The following AKT3 variants were observed in gnomAD, a reference collection of about 807,000 sequenced individuals.
AKT3 encodes the protein RAC-gamma serine/threonine-protein kinase.
In AKT3, 15 loss-of-function variants were observed where a neutral mutation model predicts 65.3. The ratio of observed to expected loss-of-function variants is 0.23; its 90% CI spans 0.15 to 0.35. The LOEUF is 0.35. Ranked by LOEUF, AKT3 falls within the 10% of genes least tolerant of loss-of-function variation. The pLI, the probability that AKT3 is intolerant of heterozygous loss-of-function variation, is 1.00. For missense variants in AKT3, 243 were observed against 576.5 expected (o/e 0.42, Z 5.92); for synonymous variants, 206 against 183.8 (o/e 1.12, Z -0.98).
downstream of AKT3, among the ~76,000 whole-genome samples, chr1:243,499,115 T>C (rs908677991): frequency 6.6e-5 from 10 of 152,204 alleles, no homozygotes; most frequent in African/African-American, 2.4e-4. Context: ...GGAACAGTAT[T>C]CAATACTTTC....
At chr1:243,591,958 G>A (rs546111114) in intron 8 of AKT3, among the ~76,000 whole-genome samples, 88 of 152,242 alleles carry the variant, frequency 5.8e-4, no homozygotes, top group Non-Finnish European at 1.1e-3. Flanking sequence ...AGAGAAATGA[G>A]TAACAAAATA....
rs1415361541 is a variant in AKT3, at chr1:243,517,668, A to G, written c.1252-5242T>C. 5.8e-4 allele frequency among the ~76,000 whole-genome samples: 88 copies of G among 152,212 alleles called. 1 individual carries two copies. Among genetic ancestry groups the G allele is most frequent in the Non-Finnish European group, 5.9e-5 (4 of 68,026 alleles). On this transcript the variant is annotated intron_variant, in intron 12 of 13. Coordinates refer to ENST00000673466, the MANE Select transcript of AKT3 (RefSeq NM_005465.7). ...ATAGTATATAATTTTCTGTTCTATT[A>G]ATTTTAATCTACTTATATCTTACAT...
chr1:243,669,568 G>GC (rs1408192129), intron 3 of AKT3, among the ~76,000 whole-genome samples: 2 of 152,200 alleles, frequency 1.3e-5, no homozygotes, highest in East Asian at 3.9e-4. Flanking sequence ...TTATATCTAA[G>GC]CCCTCAGGTT....
chr1:243,821,940 A>G (rs1693879464), intron 2 of AKT3, among the ~76,000 whole-genome samples: 1 of 152,212 alleles, frequency 6.6e-6, no homozygotes. Context: ...CCTGATAGAT[A>G]TCTGTAGAAC....
intron 13 of AKT3, among the ~76,000 whole-genome samples, chr1:243,492,604 G>GTTTTTT (rs74162289): frequency 6.1e-4 from 36 of 58,860 alleles, no homozygotes; most frequent in Admixed American, 1.2e-3. Flanking sequence ...GCGCCCAGCT[G>GTTTTTT]TTTTTTTTTT....
At chr1:243,724,302 T>C (rs1687086070) in intron 2 of AKT3, among the ~76,000 whole-genome samples, 1 of 151,876 alleles carries the variant, frequency 6.6e-6, no homozygotes, top group Non-Finnish European at 1.5e-5. Flanking sequence ...GAGTATGCAG[T>C]TGTACCATTT....
chr1:243,497,523 C>T (rs541269168), downstream of AKT3, among the ~76,000 whole-genome samples: 1 of 152,136 alleles, frequency 6.6e-6, no homozygotes, highest in South Asian at 2.1e-4. Context: ...TCTGTGTCAC[C>T]CCCATGCAGG....
intron 2 of AKT3, among the ~76,000 whole-genome samples, chr1:243,827,870 G>T (rs1317030696): frequency 6.6e-6 from 1 of 152,066 alleles, no homozygotes; most frequent in African/African-American, 2.4e-5. Context: ...GAAGCCTGAG[G>T]AAGAGAGTAC....
At chr1:243,593,019 GTT>G (rs1271004100) in intron 8 of AKT3, among the ~76,000 whole-genome samples, 8 of 152,120 alleles carry the variant, frequency 5.3e-5, no homozygotes, top group Non-Finnish European at 1.5e-5. Context: ...GGGAAAAAAA[GTT>G]AAATACGAGT....
At chr1:243,667,361 G>A (rs1034714467) in intron 3 of AKT3, among the ~76,000 whole-genome samples, 6 of 152,102 alleles carry the variant, frequency 3.9e-5, no homozygotes, top group African/African-American at 1.2e-4. Flanking sequence ...TCTCAACCCT[G>A]CTCCTTCTTC....
At chr1:243,706,768 C>G (rs1685832894) in intron 2 of AKT3, among the ~76,000 whole-genome samples, 1 of 152,198 alleles carries the variant, frequency 6.6e-6, no homozygotes. Context: ...GCACTGTGCT[C>G]AGGCTTCACT....
At chr1:243,806,071 TC>T (rs1302136757) in intron 2 of AKT3, among the ~76,000 whole-genome samples, 1 of 152,120 alleles carries the variant, frequency 6.6e-6, no homozygotes, top group Non-Finnish European at 1.5e-5. Context: ...ACACCCTTCT[TC>T]CCTTCTCACC....
At chr1:243,620,749 A>C (rs890167517) in intron 6 of AKT3, among the ~76,000 whole-genome samples, 1 of 152,146 alleles carries the variant, frequency 6.6e-6, no homozygotes, top group African/African-American at 2.4e-5. Context: ...TGTTAACTAC[A>C]AACATTATTG....
At chr1:243,636,881 A>C (rs1408673423) in intron 6 of AKT3, among the ~76,000 whole-genome samples, 2 of 152,174 alleles carry the variant, frequency 1.3e-5, no homozygotes, top group Non-Finnish European at 2.9e-5. Context: ...ACAGGGAAAC[A>C]AAGTTTCACA....
intron 8 of AKT3, among the ~76,000 whole-genome samples, chr1:243,584,884 G>A (rs1675676195): frequency 6.6e-6 from 1 of 152,080 alleles, no homozygotes; most frequent in Non-Finnish European, 1.5e-5. Flanking sequence ...ATATATTAGT[G>A]GAGAGTGCTA....
At chr1:243,538,291 CA>C (rs1672068037) in intron 12 of AKT3, among the ~76,000 whole-genome samples, 1 of 149,182 alleles carries the variant, frequency 6.7e-6, no homozygotes, top group Non-Finnish European at 1.5e-5. Context: ...AACCTCCAAA[CA>C]ATAAAACAGA....
intron 2 of AKT3, among the ~76,000 whole-genome samples, chr1:243,738,166 A>T (rs1558766784): frequency 6.6e-6 from 1 of 152,190 alleles, no homozygotes; most frequent in Non-Finnish European, 1.5e-5. Context: ...TCTTTACAAT[A>T]CAGCCAGCTA....
At chr1:243,743,313 C>A (rs1446162556) in intron 2 of AKT3, among the ~76,000 whole-genome samples, 3 of 152,122 alleles carry the variant, frequency 2.0e-5, no homozygotes, top group Admixed American at 2.0e-4. Context: ...AGGGACTTGA[C>A]CATCCTGGCA....
At chr1:243,543,017 AC>A (rs1672422302) in intron 12 of AKT3, among the ~76,000 whole-genome samples, 1 of 151,942 alleles carries the variant, frequency 6.6e-6, no homozygotes, top group Non-Finnish European at 1.5e-5. Context: ...GATATTTAAC[AC>A]CTTTGCTCAA....
Sources: allele counts gnomAD v4.1 joint callset (sites outside exome capture counted in the v4.1 genomes callset), GRCh38; gene constraint gnomAD v4.1.1; transcripts MANE v1.5; gene names NCBI Gene and HGNC (gene_info 2026-07-23, HGNC 2026-07-21).